CSMD1: variants seen among roughly 807,000 people sequenced by gnomAD.
CSMD1 encodes CUB and Sushi multiple domains 1.
In CSMD1, 213 loss-of-function variants were observed where a neutral mutation model predicts 417.5. That is an observed-to-expected ratio of 0.51 (90% CI 0.46 to 0.57). The LOEUF (loss-of-function observed/expected upper bound fraction) is 0.57, where lower values mean the gene tolerates loss of function less well. CSMD1 is among the 20% of genes least tolerant of loss of function. CSMD1 has a pLI of 0.00. For synonymous variants in CSMD1, 2,862 were observed against 1,736.8 expected (o/e 1.65, Z -16.11); for missense variants, 6,923 against 4,529.7 (o/e 1.53, Z -15.17).
rs186952324 is a variant in CSMD1, at chr8:3,831,689, G to A, written c.819-77647C>T. Among the ~76,000 whole-genome samples the A allele has an allele frequency of 5.9e-5, 9 of 152,188 alleles. No individual in the cohort carries two copies. In the East Asian group the frequency reaches 1.5e-3, roughly 26 times the overall value. On this transcript the variant is annotated intron_variant, in intron 5 of 69. Transcript: ENST00000635120. Reference sequence around the variant, plus strand: ...AAATCTTTACCGGCAAAGGATATATGTTTGGAATGCCAATGAATTTACTAT... The same window carrying A: ...AAATCTTTACCGGCAAAGGATATATATTTGGAATGCCAATGAATTTACTAT...
chr8:4,845,547 G>T (rs779311116), intron 1 of CSMD1, among the ~76,000 whole-genome samples: 1 of 152,216 alleles, frequency 6.6e-6, no homozygotes, highest in Non-Finnish European at 1.5e-5. Flanking sequence ...TTGAACTTTG[G>T]CCTACGTGGT....
chr8:4,423,365 C>A (rs950311843), intron 2 of CSMD1, among the ~76,000 whole-genome samples: 5 of 152,060 alleles, frequency 3.3e-5, no homozygotes, highest in African/African-American at 1.2e-4. Context: ...ATCAAACGTG[C>A]AAGGCACATA....
intron 18 of CSMD1, among the ~76,000 whole-genome samples, chr8:3,380,892 A>G (rs1042368578): frequency 1.4e-5 from 2 of 143,378 alleles, no homozygotes; most frequent in Admixed American, 1.4e-4. Context: ...AAGTATAATG[A>G]AAAAAAAAAA....
chr8:3,189,412 A>G (rs1465982403), intron 34 of CSMD1, among the ~76,000 whole-genome samples: 1 of 152,226 alleles, frequency 6.6e-6, no homozygotes, highest in East Asian at 1.9e-4. Flanking sequence ...CAAATTCAAG[A>G]GAAGAGGCGC....
At chr8:4,236,904 G>T (rs901102401) in intron 3 of CSMD1, among the ~76,000 whole-genome samples, 1 of 152,172 alleles carries the variant, frequency 6.6e-6, no homozygotes, top group Non-Finnish European at 1.5e-5. Context: ...CAATTTCCAG[G>T]CCTCTCAGCT....
intron 1 of CSMD1, among the ~76,000 whole-genome samples, chr8:4,777,418 G>C (rs983025708): frequency 6.6e-6 from 1 of 152,128 alleles, no homozygotes; most frequent in Non-Finnish European, 1.5e-5. Flanking sequence ...CATCTCAAAA[G>C]AACATTCTCC....
At chr8:2,999,848 C>T in intron 53 of CSMD1, 110 bp downstream of exon 53, 1 of 931,000 alleles carries the variant, frequency 1.1e-6, no homozygotes, top group Non-Finnish European at 1.5e-6. Flanking sequence ...TGAAAGTTTG[C>T]TGTTCCCTTT....
At chr8:2,949,480 A>G (rs1008943083) in intron 67 of CSMD1, 94 bp from the exon 68 acceptor site, 28 of 601,064 alleles carry the variant, frequency 4.7e-5, no homozygotes, top group Non-Finnish European at 6.1e-5. Context: ...CAACTGTTAT[A>G]TCTCATATTT....
intron 10 of CSMD1, among the ~76,000 whole-genome samples, chr8:3,544,029 C>A (rs1351368371): frequency 6.6e-6 from 1 of 152,130 alleles, no homozygotes. Context: ...ATAAAACAGT[C>A]TTCCACAGGT....
At chr8:3,088,643 G>C (rs1044556195) in intron 48 of CSMD1, among the ~76,000 whole-genome samples, 1 of 151,514 alleles carries the variant, frequency 6.6e-6, no homozygotes, top group African/African-American at 2.4e-5. Context: ...TTTTTTTAAT[G>C]GGCTGATTTT....
intron 26 of CSMD1, among the ~76,000 whole-genome samples, chr8:3,233,176 C>A (rs997171203): frequency 6.6e-6 from 1 of 151,820 alleles, no homozygotes; most frequent in Non-Finnish European, 1.5e-5. Context: ...CAAAAACTTA[C>A]GTTGAAATGT....
chr8:4,401,442 A>C (rs1216820610), intron 3 of CSMD1, among the ~76,000 whole-genome samples: 1 of 152,112 alleles, frequency 6.6e-6, no homozygotes, highest in Non-Finnish European at 1.5e-5. Context: ...TGTTTTAAAA[A>C]CATAGGTAAT....
chr8:3,770,103 A>G (rs1457952424), intron 5 of CSMD1, among the ~76,000 whole-genome samples: 1 of 152,134 alleles, frequency 6.6e-6, no homozygotes, highest in Non-Finnish European at 1.5e-5. Flanking sequence ...TTTCCATCAG[A>G]GCGATTGGCA....
intron 6 of CSMD1, among the ~76,000 whole-genome samples, chr8:3,750,536 A>T (rs1198758164): frequency 6.6e-6 from 1 of 152,140 alleles, no homozygotes; most frequent in Non-Finnish European, 1.5e-5. Flanking sequence ...GTTGGCACAA[A>T]TAATATCAGG....
At chr8:3,338,842 AT>A (rs1807450586) in intron 23 of CSMD1, among the ~76,000 whole-genome samples, 1 of 138,444 alleles carries the variant, frequency 7.2e-6, no homozygotes, top group Admixed American at 7.2e-5. Context: ...TTATTTTTAT[AT>A]TTTTAATTAA....
intron 1 of CSMD1, among the ~76,000 whole-genome samples, chr8:4,737,021 A>G (rs1245589597): frequency 6.6e-6 from 1 of 152,212 alleles, no homozygotes; most frequent in African/African-American, 2.4e-5. Context: ...TCTATCATAA[A>G]GACATATGCA....
At chr8:4,634,253 G>A (rs571613354) in intron 2 of CSMD1, among the ~76,000 whole-genome samples, 47 of 152,126 alleles carry the variant, frequency 3.1e-4, no homozygotes, top group African/African-American at 1.1e-3. Flanking sequence ...AACTCTAAAT[G>A]TTTTTACATA....
chr8:3,582,279 A>T (rs77984081), intron 9 of CSMD1, among the ~76,000 whole-genome samples: 5,656 of 152,292 alleles, frequency 0.037, 280 homozygotes, highest in East Asian at 0.14. Context: ...ATAAAAAGTT[A>T]TAAAAGCTCC....
rs1417266317 is a variant in CSMD1 at position 4,802,741 on chromosome 8, G to A, written c.86-165183C>T. On this transcript the variant is annotated intron_variant, in intron 1 of 69. Coordinates refer to ENST00000635120, the MANE Select transcript of CSMD1 (RefSeq NM_033225.6). ...TCTTCCAAAGAGAATGTTTAAATAT[G>A]TCAACAATCATTTATTGTTATACTC... Among the ~76,000 whole-genome samples, 3 of 152,054 alleles carry A rather than the reference G, an allele frequency of 2.0e-5. No individual in the cohort carries two copies. The East Asian group carries it at 5.8e-4, about 29-fold the overall frequency.
Sources: allele counts gnomAD v4.1 joint callset (sites outside exome capture counted in the v4.1 genomes callset), GRCh38; gene constraint gnomAD v4.1.1; transcripts MANE v1.5; gene names NCBI Gene and HGNC (gene_info 2026-07-23, HGNC 2026-07-21).